The following RARB variants were observed in gnomAD, a reference collection of about 807,000 sequenced individuals.
The protein encoded by RARB is HBV-activated protein.
RARB carries 17 observed loss-of-function variants against 51.9 expected under a neutral mutation model. The observed-to-expected ratio is 0.33, with a 90% CI of 0.22 to 0.49. The LOEUF (loss-of-function observed/expected upper bound fraction) is 0.49, where lower values mean the gene tolerates loss of function less well. Among genes scored for constraint, RARB ranks in the 20% least tolerant of loss-of-function variants. The pLI is 0.99. For synonymous variants in RARB, 215 were observed against 195.4 expected (o/e 1.10, Z -0.84); for missense variants, 369 against 550.8 (o/e 0.67, Z 3.30).
At chr3:24,844,981 T>C (rs1202317271) in intron 1 of RARB, among the ~76,000 whole-genome samples, 1 of 152,194 alleles carries the variant, frequency 6.6e-6, no homozygotes, top group African/African-American at 2.4e-5. Flanking sequence ...TCCTCTGTCC[T>C]TGCTGCAAAA....
chr3:25,088,528 A>G (rs1052496665), intron 3 of RARB, among the ~76,000 whole-genome samples: 36 of 152,142 alleles, frequency 2.4e-4, no homozygotes, highest in African/African-American at 7.7e-4. Flanking sequence ...CATGTAGTGG[A>G]GCATTCTCAA....
intron 2 of RARB, among the ~76,000 whole-genome samples, chr3:25,016,963 T>C (rs538404899): frequency 6.6e-6 from 1 of 152,282 alleles, no homozygotes; most frequent in Admixed American, 6.5e-5. Context: ...AGTTAACACA[T>C]GTTCTTCCAA....
At chr3:25,589,900 T>G (rs548723276) in intron 5 of RARB, among the ~76,000 whole-genome samples, 128 of 152,336 alleles carry the variant, frequency 8.4e-4, no homozygotes, top group Middle Eastern at 3.4e-3. Flanking sequence ...GTTTTAATCC[T>G]GGAGAAGTAC....
intron 3 of RARB, among the ~76,000 whole-genome samples, chr3:25,071,988 A>G (rs980012174): frequency 8.5e-5 from 13 of 152,190 alleles, no homozygotes; most frequent in Admixed American, 1.3e-4. Context: ...GGCATACACT[A>G]TTTGGAGAAT....
chr3:25,229,518 ATAAG>A (rs1451756870), intron 5 of RARB, among the ~76,000 whole-genome samples: 1 of 152,180 alleles, frequency 6.6e-6, no homozygotes, highest in African/African-American at 2.4e-5. Context: ...ACTTTAATAC[ATAAG>A]TAAGCATTCT....
intron 2 of RARB, among the ~76,000 whole-genome samples, chr3:24,977,365 T>C (rs961421775): frequency 6.6e-5 from 10 of 152,230 alleles, no homozygotes; most frequent in African/African-American, 1.9e-4. Context: ...ATGGAGACTT[T>C]CAAAATATTG....
At chr3:25,258,601 T>A (rs1178385760) in intron 5 of RARB, among the ~76,000 whole-genome samples, 3 of 152,082 alleles carry the variant, frequency 2.0e-5, no homozygotes, top group Non-Finnish European at 4.4e-5. Flanking sequence ...CATGGTGTCT[T>A]GGTCTGTTTT....
At chr3:25,572,127 C>T (rs948950439) in intron 4 of RARB, among the ~76,000 whole-genome samples, 9 of 151,966 alleles carry the variant, frequency 5.9e-5, no homozygotes, top group East Asian at 3.9e-4. Context: ...TGGGAAGGGG[C>T]GAAAAGAGAA....
At chr3:25,438,253 C>A (rs1708515678) in intron 1 of RARB, among the ~76,000 whole-genome samples, 1 of 152,206 alleles carries the variant, frequency 6.6e-6, no homozygotes, top group South Asian at 2.1e-4. Flanking sequence ...TCCCAGTCCT[C>A]TTAAAACCTA....
intron 5 of RARB, among the ~76,000 whole-genome samples, chr3:25,336,201 G>T (rs779721729): frequency 3.9e-5 from 6 of 152,010 alleles, no homozygotes; most frequent in Non-Finnish European, 7.4e-5. Flanking sequence ...AAACCAAAAT[G>T]CTAAGAGAAG....
chr3:25,366,622 T>C (rs80187984), intron 5 of RARB, among the ~76,000 whole-genome samples: 209 of 152,324 alleles, frequency 1.4e-3, no homozygotes, highest in Middle Eastern at 0.014. Context: ...TTTTAGCTCA[T>C]GGTTCCTAAA....
chr3:25,159,561 G>T (rs1575187717), intron 4 of RARB, among the ~76,000 whole-genome samples: 3 of 152,196 alleles, frequency 2.0e-5, no homozygotes, highest in Non-Finnish European at 4.4e-5. Flanking sequence ...GTGCCACTTG[G>T]AAATATATTC....
At chr3:24,930,616 T>C (rs1695418602) in intron 2 of RARB, among the ~76,000 whole-genome samples, 2 of 152,108 alleles carry the variant, frequency 1.3e-5, no homozygotes, top group South Asian at 4.1e-4. Flanking sequence ...CTATCAAACA[T>C]TTACATAGTG....
At position 25,232,981 on chromosome 3, in the gene RARB, T is replaced by TTC. The variant is rs1472072719; in HGVS notation, c.178+58407_178+58408insCT. On this transcript the variant is annotated intron_variant, in intron 5 of 11. Coordinates refer to the RARB transcript ENST00000383772. ...ATGCCTTTTTTCTTTTTCTTTTTTTTTTTTTTTTTTTTGAGACAGAGTCTT... is the reference window on the plus strand; with the variant it reads ...ATGCCTTTTTTCTTTTTCTTTTTTTTTCTTTTTTTTTTTTGAGACAGAGTCTT... 1.7e-4 allele frequency among the ~76,000 whole-genome samples: 25 copies of TTC among 147,596 alleles called. No homozygotes were observed. The South Asian group carries it at 2.2e-3, about 13-fold the overall frequency.
At chr3:25,230,663 T>C (rs1345650721) in intron 5 of RARB, among the ~76,000 whole-genome samples, 1 of 152,054 alleles carries the variant, frequency 6.6e-6, no homozygotes, top group Non-Finnish European at 1.5e-5. Context: ...AGATAGGAAA[T>C]ATTCTTTGAT....
intron 4 of RARB, among the ~76,000 whole-genome samples, chr3:25,140,300 T>C (rs1052670415): frequency 6.6e-6 from 1 of 152,192 alleles, no homozygotes; most frequent in Non-Finnish European, 1.5e-5. Context: ...TTAACAACAT[T>C]TGTGATTCAT....
intron 5 of RARB, among the ~76,000 whole-genome samples, chr3:25,176,375 T>A (rs1468225344): frequency 7.6e-6 from 1 of 131,538 alleles, no homozygotes; most frequent in Non-Finnish European, 1.6e-5. Flanking sequence ...CCTTCCTTCC[T>A]TCCTTCCTTC....
chr3:25,190,962 T>C (rs1188640361), intron 5 of RARB, among the ~76,000 whole-genome samples: 1 of 152,148 alleles, frequency 6.6e-6, no homozygotes, highest in Non-Finnish European at 1.5e-5. Flanking sequence ...TTGGTTTGCA[T>C]GGATCTGTGT....
chr3:24,865,960 T>C (rs1702840598), intron 2 of RARB, among the ~76,000 whole-genome samples: 1 of 152,114 alleles, frequency 6.6e-6, no homozygotes, highest in Admixed American at 6.6e-5. Flanking sequence ...CACACAAATA[T>C]TAAGTTGACC....
Sources: gnomAD v4.1 joint callset for allele counts (sites outside exome capture counted in the v4.1 genomes callset) on GRCh38, gnomAD v4.1.1 for gene constraint, MANE v1.5 for transcripts, NCBI Gene and HGNC (gene_info 2026-07-23, HGNC 2026-07-21) for gene names.